ITCH: variants seen among roughly 807,000 people sequenced by gnomAD.
ITCH encodes E3 ubiquitin-protein ligase Itchy homolog.
In ITCH, 28 loss-of-function variants were observed where a neutral mutation model predicts 126.8. The ratio of observed to expected loss-of-function variants is 0.22; its 90% confidence interval spans 0.16 to 0.30. The LOEUF is 0.30. Among genes scored for constraint, ITCH ranks in the 10% least tolerant of loss-of-function variants. The pLI is 1.00. For missense variants in ITCH, 631 were observed against 1,032.4 expected (o/e 0.61, Z 5.33); for synonymous variants, 342 against 340.0 (o/e 1.01, Z -0.06).
chr20:34,475,069 A>G (rs1988044961), intron 16 of ITCH, among the ~76,000 whole-genome samples: 1 of 150,834 alleles, frequency 6.6e-6, no homozygotes, highest in South Asian at 2.1e-4. Context: ...GCGGCCGGGC[A>G]GAGACGCTCC....
intron 3 of ITCH, among the ~76,000 whole-genome samples, chr20:34,399,407 A>C (rs2038791775): frequency 6.6e-6 from 1 of 152,174 alleles, no homozygotes; most frequent in African/African-American, 2.4e-5. Flanking sequence ...ATAAATAAAT[A>C]AAATAAAAAT....
intron 23 of ITCH, among the ~76,000 whole-genome samples, chr20:34,500,295 A>G (rs1990166359): frequency 6.6e-6 from 1 of 152,188 alleles, no homozygotes; most frequent in Admixed American, 6.5e-5. Context: ...CCCAACTAGT[A>G]TTGGAGTCTG....
chr20:34,374,893 C>T (rs2037774879), intron 2 of ITCH, among the ~76,000 whole-genome samples: 1 of 152,014 alleles, frequency 6.6e-6, no homozygotes, highest in Non-Finnish European at 1.5e-5. Flanking sequence ...GTGCTCTCCA[C>T]CACGCCTGGC....
intron 15 of ITCH, among the ~76,000 whole-genome samples, chr20:34,470,675 C>G (rs1987535047): frequency 6.6e-6 from 1 of 152,150 alleles, no homozygotes; most frequent in African/African-American, 2.4e-5. Flanking sequence ...TTACTGCAGC[C>G]TTGACCTCCT....
At chr20:34,423,644 C>T (rs888220222) in intron 6 of ITCH, among the ~76,000 whole-genome samples, 1 of 152,082 alleles carries the variant, frequency 6.6e-6, no homozygotes, top group African/African-American at 2.4e-5. Flanking sequence ...GCTCTTGTTG[C>T]CCAGACTGGA....
At chr20:34,472,649 CAGTT>C (rs1208893665) in intron 16 of ITCH, among the ~76,000 whole-genome samples, 3 of 152,176 alleles carry the variant, frequency 2.0e-5, no homozygotes, top group African/African-American at 7.2e-5. Context: ...GAGGTTGAGA[CAGTT>C]GGTGGTAGCT....
intron 3 of ITCH, chr20:34,402,716 C>G: frequency 2.3e-6 from 1 of 439,818 alleles, no homozygotes; most frequent in South Asian, 2.4e-5. Flanking sequence ...AGTTTTGTAT[C>G]CACTTTAAAT....
At chr20:34,385,063 G>A (rs1322909021) in intron 2 of ITCH, among the ~76,000 whole-genome samples, 1 of 151,556 alleles carries the variant, frequency 6.6e-6, no homozygotes, top group Non-Finnish European at 1.5e-5. Flanking sequence ...CGCTCAGGTT[G>A]GAGTGCAGTG....
At chr20:34,403,658 G>T (rs1219055781) in intron 3 of ITCH, among the ~76,000 whole-genome samples, 1 of 152,096 alleles carries the variant, frequency 6.6e-6, no homozygotes, top group East Asian at 1.9e-4. Flanking sequence ...AAGACAAAAT[G>T]AAAAGCTGAC....
chr20:34,509,094 T>G lies in ITCH; in HGVS notation c.*1300T>G, dbSNP rs542937498. ...TTGATAACCCTCATCTGCAATATTT[T>G]CACCCCTAAAATTTTTAACAGGGTT... On this transcript the variant is annotated 3_prime_UTR_variant, in exon 25 of 25. Coordinates refer to ENST00000374864, the MANE Select transcript of ITCH (RefSeq NM_031483.7). The G allele has an allele frequency of 5.2e-5, 8 of 152,786 alleles. No homozygotes were observed. The South Asian group carries it at 1.7e-3, about 32-fold the overall frequency. The allele number at this position is 152,786 out of a possible 1,614,324, so 9.5% of individuals were successfully genotyped here.
chr20:34,379,785 G>A (rs747056788), intron 2 of ITCH, among the ~76,000 whole-genome samples: 4 of 151,364 alleles, frequency 2.6e-5, no homozygotes, highest in East Asian at 1.9e-4. Flanking sequence ...TTTTAGTAGA[G>A]ACAGGGTTTC....
intron 14 of ITCH, among the ~76,000 whole-genome samples, chr20:34,468,420 AG>A (rs1987300506): frequency 6.6e-6 from 1 of 152,152 alleles, no homozygotes; most frequent in African/African-American, 2.4e-5. Flanking sequence ...GAACATCAAG[AG>A]TAAGACAAGG....
intron 16 of ITCH, among the ~76,000 whole-genome samples, chr20:34,472,580 C>G (rs1987750773): frequency 6.6e-6 from 1 of 152,100 alleles, no homozygotes; most frequent in African/African-American, 2.4e-5. Context: ...TTTTCAAGCA[C>G]CAGTGGTATT....
At chr20:34,436,866 C>T (rs976988000) in intron 7 of ITCH, among the ~76,000 whole-genome samples, 2 of 152,132 alleles carry the variant, frequency 1.3e-5, no homozygotes, top group African/African-American at 4.8e-5. Flanking sequence ...GTGGCTCGTG[C>T]CTGTAATTGT....
intron 1 of ITCH, among the ~76,000 whole-genome samples, chr20:34,364,740 A>AAAAAAAAAAG (rs2037347406): frequency 6.8e-6 from 1 of 146,952 alleles, no homozygotes; most frequent in Non-Finnish European, 1.5e-5. Flanking sequence ...AAAAAAAAAA[A>AAAAAAAAAAG]AAATCCTGGG....
At chr20:34,478,330 T>G (rs1228875201) in intron 17 of ITCH, among the ~76,000 whole-genome samples, 1 of 152,252 alleles carries the variant, frequency 6.6e-6, no homozygotes, top group African/African-American at 2.4e-5. Context: ...CAACTGAGAT[T>G]AGTATATTTG....
intron 5 of ITCH, 100 bp from the exon 6 acceptor site, chr20:34,413,642 T>C (rs1194070934): frequency 5.4e-6 from 6 of 1,104,204 alleles, no homozygotes; most frequent in Non-Finnish European, 7.8e-6. Flanking sequence ...ATAGTTATAT[T>C]TTCTCGGACA....
intron 2 of ITCH, among the ~76,000 whole-genome samples, chr20:34,389,713 T>G (rs2038416090): frequency 6.6e-6 from 1 of 152,164 alleles, no homozygotes; most frequent in Non-Finnish European, 1.5e-5. Flanking sequence ...TAGGGTAATG[T>G]GCAGGTGGTC....
At chr20:34,417,279 TAG>T (rs111789971) in intron 6 of ITCH, 5 of 494,312 alleles carry the variant, frequency 1.0e-5, no homozygotes. Flanking sequence ...TATTTTTTAG[TAG>T]AGACAGGGTT....
Sources: allele counts gnomAD v4.1 joint callset (sites outside exome capture counted in the v4.1 genomes callset), GRCh38; gene constraint gnomAD v4.1.1; transcripts MANE v1.5; gene names NCBI Gene and HGNC (gene_info 2026-07-23, HGNC 2026-07-21).